Variants in CADM2 observed in about 807,000 individuals in gnomAD.
The protein encoded by CADM2 is immunoglobulin superfamily member 4D.
A neutral mutation model predicts 49.8 loss-of-function variants in CADM2; 12 were observed. That is an observed-to-expected ratio of 0.24 (90% CI 0.15 to 0.39). The LOEUF is 0.39. Among genes scored for constraint, CADM2 ranks in the 10% least tolerant of loss-of-function variants. CADM2 has a pLI of 1.00. For synonymous variants in CADM2, 214 were observed against 175.4 expected, an observed-to-expected ratio of 1.22 and a Z score of -1.74; for missense variants, 378 against 492.3, an observed-to-expected ratio of 0.77 and a Z score of 2.20.
intron 1 of CADM2, among the ~76,000 whole-genome samples, chr3:85,724,675 C>T (rs1323413025): frequency 2.0e-5 from 3 of 151,818 alleles, no homozygotes; most frequent in Non-Finnish European, 4.4e-5. Flanking sequence ...AAACAAAATG[C>T]ACACTTTTTT....
intron 1 of CADM2, among the ~76,000 whole-genome samples, chr3:85,105,061 T>C (rs569302495): frequency 7.4e-4 from 113 of 152,232 alleles, no homozygotes; most frequent in African/African-American, 2.7e-3. Context: ...ATAGCCTTTA[T>C]TTCCTTCTCC....
At chr3:85,467,918 G>C (rs1047767075) in intron 1 of CADM2, among the ~76,000 whole-genome samples, 1 of 152,060 alleles carries the variant, frequency 6.6e-6, no homozygotes, top group Non-Finnish European at 1.5e-5. Context: ...ACTTTGGGAG[G>C]CCGAGGCGGG....
intron 1 of CADM2, among the ~76,000 whole-genome samples, chr3:85,638,290 T>C (rs1455747920): frequency 2.0e-5 from 3 of 152,184 alleles, no homozygotes; most frequent in African/African-American, 7.2e-5. Flanking sequence ...ATATTATGAA[T>C]AAATAAAGTT....
intron 1 of CADM2, chr3:85,512,035 AC>A (rs1339254220): frequency 3.5e-5 from 7 of 201,934 alleles, no homozygotes; most frequent in Non-Finnish European, 6.2e-5. Context: ...TTCACAGGGT[AC>A]ATGTACAGGT....
intron 1 of CADM2, among the ~76,000 whole-genome samples, chr3:85,716,867 G>A (rs560418630): frequency 2.6e-5 from 4 of 152,244 alleles, no homozygotes; most frequent in African/African-American, 9.6e-5. Context: ...ATCTGATTTG[G>A]TGCCAGAACC....
At chr3:85,066,088 T>A (rs759884658) in intron 1 of CADM2, among the ~76,000 whole-genome samples, 23 of 151,950 alleles carry the variant, frequency 1.5e-4, no homozygotes, top group Non-Finnish European at 3.2e-4. Flanking sequence ...TACAACAAAC[T>A]AAAAGAAAAA....
At chr3:85,737,562 C>T (rs186829503) in intron 2 of CADM2, among the ~76,000 whole-genome samples, 4 of 141,798 alleles carry the variant, frequency 2.8e-5, no homozygotes, top group African/African-American at 2.6e-5. Flanking sequence ...TCTTTTCTTT[C>T]TTTTTTTTTT....
chr3:85,943,737 T>C (rs1722275115), intron 7 of CADM2, among the ~76,000 whole-genome samples: 1 of 151,738 alleles, frequency 6.6e-6, no homozygotes, highest in African/African-American at 2.4e-5. Context: ...CCCTCAGAAA[T>C]AACGCCGCAT....
chr3:85,569,109 G>A, intron 1 of CADM2, among the ~76,000 whole-genome samples: 1 of 152,080 alleles, frequency 6.6e-6, no homozygotes, highest in East Asian at 1.9e-4. Flanking sequence ...GATCCCTAGT[G>A]ATGCATTTTT....
At chr3:85,421,537 T>G (rs60311538) in intron 1 of CADM2, among the ~76,000 whole-genome samples, 74,526 of 152,066 alleles carry the variant, frequency 0.49, 21,949 homozygotes, top group East Asian at 0.83. Context: ...CTAAAAATTA[T>G]TCTTTTGTGG....
chr3:85,525,492 T>C (rs539307319), intron 1 of CADM2, among the ~76,000 whole-genome samples: 9 of 152,248 alleles, frequency 5.9e-5, no homozygotes, highest in African/African-American at 2.2e-4. Flanking sequence ...CTTCTATTAG[T>C]GGTAGTGTGC....
chr3:85,038,754 C>G (rs1420616846), intron 1 of CADM2, among the ~76,000 whole-genome samples: 1 of 152,098 alleles, frequency 6.6e-6, no homozygotes, highest in Non-Finnish European at 1.5e-5. Flanking sequence ...GCAAATCACT[C>G]AATTATAATC....
intron 1 of CADM2, among the ~76,000 whole-genome samples, chr3:85,163,855 A>G (rs892232599): frequency 3.9e-5 from 6 of 152,176 alleles, no homozygotes; most frequent in African/African-American, 1.4e-4. Flanking sequence ...TGCAACACCA[A>G]TACAATCAAT....
chr3:85,860,111 A>C (rs2075468092), intron 3 of CADM2, among the ~76,000 whole-genome samples: 1 of 152,142 alleles, frequency 6.6e-6, no homozygotes, highest in Non-Finnish European at 1.5e-5. Flanking sequence ...TTTATTTTGA[A>C]GTGTAGAAAC....
At chr3:85,623,379 T>C (rs749095828) in intron 1 of CADM2, among the ~76,000 whole-genome samples, 1 of 152,174 alleles carries the variant, frequency 6.6e-6, no homozygotes, top group Non-Finnish European at 1.5e-5. Context: ...TTAAATACGT[T>C]TACTAGAGAT....
intron 1 of CADM2, among the ~76,000 whole-genome samples, chr3:85,641,117 A>C (rs930968905): frequency 2.6e-5 from 4 of 152,216 alleles, no homozygotes; most frequent in African/African-American, 9.6e-5. Context: ...TGCATGTCAC[A>C]AACATGTTAT....
At chr3:85,463,020 A>G (rs2038317860) in intron 1 of CADM2, among the ~76,000 whole-genome samples, 2 of 152,132 alleles carry the variant, frequency 1.3e-5, no homozygotes, top group Admixed American at 6.5e-5. Flanking sequence ...ATACTACACT[A>G]TAGTACCCAC....
At chr3:85,695,607 C>T (rs568868977) in intron 1 of CADM2, among the ~76,000 whole-genome samples, 15 of 151,886 alleles carry the variant, frequency 9.9e-5, no homozygotes, top group Admixed American at 5.2e-4. Context: ...CACACACACA[C>T]GCACACAAAC....
At chr3:85,262,194 A>G (rs1403556038) in intron 1 of CADM2, among the ~76,000 whole-genome samples, 2 of 152,120 alleles carry the variant, frequency 1.3e-5, no homozygotes, top group Non-Finnish European at 2.9e-5. Context: ...GCATAAATTC[A>G]AGTGAGGCCT....
Sources: gnomAD v4.1 joint callset for allele counts (sites outside exome capture counted in the v4.1 genomes callset) on GRCh38, gnomAD v4.1.1 for gene constraint, MANE v1.5 for transcripts, NCBI Gene and HGNC (gene_info 2026-07-23, HGNC 2026-07-21) for gene names.